SHROOM3: variants seen among roughly 807,000 people sequenced by gnomAD.
SHROOM3 encodes the protein shroom family member 3.
Under a neutral mutation model 138.6 loss-of-function variants are expected in SHROOM3, and 47 were observed. The ratio of observed to expected loss-of-function variants is 0.34; its 90% confidence interval spans 0.27 to 0.43. The LOEUF (loss-of-function observed/expected upper bound fraction) is 0.43. Among genes scored for constraint, SHROOM3 ranks in the 20% least tolerant of loss-of-function variants. SHROOM3 has a pLI of 1.00. For synonymous variants in SHROOM3, 1,062 were observed against 1,063.3 expected (o/e 1.00, Z 0.02); for missense variants, 2,491 against 2,596.5 (o/e 0.96, Z 0.88).
chr4:76,669,674 A>AT (rs2110097303), intron 2 of SHROOM3, among the ~76,000 whole-genome samples: 1 of 152,160 alleles, frequency 6.6e-6, no homozygotes, highest in East Asian at 1.9e-4. Flanking sequence ...TTTGCTTAAA[A>AT]TTTAAAAAAA....
At chr4:76,723,892 T>C (rs1052305034) in intron 3 of SHROOM3, among the ~76,000 whole-genome samples, 1 of 152,256 alleles carries the variant, frequency 6.6e-6, no homozygotes, top group African/African-American at 2.4e-5. Flanking sequence ...TGACTTTGTT[T>C]AATAGTTTTT....
At chr4:76,620,023 A>G (rs1424901960) in intron 2 of SHROOM3, among the ~76,000 whole-genome samples, 4 of 144,284 alleles carry the variant, frequency 2.8e-5, no homozygotes, top group Non-Finnish European at 6.0e-5. Flanking sequence ...GTGAGCCAAG[A>G]TGATGCCACA....
At chr4:76,705,819 G>A (rs1720032119) in intron 2 of SHROOM3, among the ~76,000 whole-genome samples, 1 of 152,156 alleles carries the variant, frequency 6.6e-6, no homozygotes, top group Non-Finnish European at 1.5e-5. Flanking sequence ...TGTCTTGTTA[G>A]TTTTGCCAAC....
At chr4:76,568,663 T>C (rs1733776784) in intron 2 of SHROOM3, among the ~76,000 whole-genome samples, 1 of 152,184 alleles carries the variant, frequency 6.6e-6, no homozygotes, top group African/African-American at 2.4e-5. Flanking sequence ...GAGCCTGGCT[T>C]CAGGGGTGCT....
intron 4 of SHROOM3, among the ~76,000 whole-genome samples, chr4:76,733,620 C>T (rs1264824177): frequency 6.6e-6 from 1 of 152,146 alleles, no homozygotes; most frequent in Non-Finnish European, 1.5e-5. Context: ...TTGGCAGCGG[C>T]AGGTGGAGAG....
At chr4:76,527,092 G>C (rs73826223) in intron 1 of SHROOM3, among the ~76,000 whole-genome samples, 6,382 of 152,068 alleles carry the variant, frequency 0.042, 476 homozygotes, top group African/African-American at 0.14. Context: ...TCCTTCTCCT[G>C]TCTGAAGGAA....
intron 10 of SHROOM3, among the ~76,000 whole-genome samples, chr4:76,774,685 T>C (rs546942507): frequency 6.6e-6 from 1 of 151,054 alleles, no homozygotes; most frequent in African/African-American, 2.4e-5. Flanking sequence ...CTCATTCAAA[T>C]TCAGTCCCTC....
intron 3 of SHROOM3, among the ~76,000 whole-genome samples, chr4:76,724,034 A>C (rs1318522503): frequency 6.6e-6 from 1 of 152,178 alleles, no homozygotes; most frequent in Admixed American, 6.5e-5. Context: ...TACTGAACTT[A>C]CTGTAGATTT....
chr4:76,489,646 A>T (rs1051539862), intron 1 of SHROOM3, among the ~76,000 whole-genome samples: 3 of 152,156 alleles, frequency 2.0e-5, no homozygotes, highest in Non-Finnish European at 4.4e-5. Flanking sequence ...GGTTTTCCTG[A>T]TGACAAAATG....
At chr4:76,627,353 C>T (rs981649245) in intron 2 of SHROOM3, among the ~76,000 whole-genome samples, 1 of 152,148 alleles carries the variant, frequency 6.6e-6, no homozygotes, top group African/African-American at 2.4e-5. Flanking sequence ...GAATAACATA[C>T]AACCCAACAG....
chr4:76,608,545 CATA>C, intron 2 of SHROOM3, among the ~76,000 whole-genome samples: 1 of 64,200 alleles, frequency 1.6e-5, no homozygotes, highest in Admixed American at 1.6e-4. Flanking sequence ...CATAGCATAG[CATA>C]GCATAGCATA....
At position 76,660,871 on chromosome 4, in the gene SHROOM3, T is replaced by C. The variant is rs544578614; in HGVS notation, c.324-49285T>C. ...AGGCTGAAGTGCAGGAGCACAATCATAGCTCACTGCAGCCCTGAACTGGTC... is the reference window on the plus strand; with the variant it reads ...AGGCTGAAGTGCAGGAGCACAATCACAGCTCACTGCAGCCCTGAACTGGTC... On this transcript the variant is annotated intron_variant, in intron 2 of 10. Coordinates refer to ENST00000296043, the MANE Select transcript of SHROOM3 (RefSeq NM_020859.4). Among the ~76,000 whole-genome samples the C allele has an allele frequency of 1.1e-4, 16 of 152,216 alleles. 1 individual carries two copies. The highest frequency in any genetic ancestry group is 3.6e-4 in the African/African-American group (15 of 41,544).
At chr4:76,757,064 T>C in intron 8 of SHROOM3, 127 bp downstream of exon 8, 1 of 1,470,608 alleles carries the variant, frequency 6.8e-7, no homozygotes, top group Non-Finnish European at 9.3e-7. Flanking sequence ...GAGTGACATT[T>C]TATCTCAGTC....
chr4:76,517,343 T>G (rs1208246845), intron 1 of SHROOM3, among the ~76,000 whole-genome samples: 1 of 152,086 alleles, frequency 6.6e-6, no homozygotes, highest in African/African-American at 2.4e-5. Context: ...ATACAGTGTC[T>G]AAAAAAGGCT....
At chr4:76,757,797 T>C (rs1210259355) in intron 8 of SHROOM3, among the ~76,000 whole-genome samples, 2 of 152,232 alleles carry the variant, frequency 1.3e-5, no homozygotes, top group Non-Finnish European at 2.9e-5. Flanking sequence ...CATGTTTTAT[T>C]TCCTTAAAAG....
chr4:76,588,475 C>T (rs974406865), intron 2 of SHROOM3, among the ~76,000 whole-genome samples: 1 of 152,130 alleles, frequency 6.6e-6, no homozygotes, highest in African/African-American at 2.4e-5. Flanking sequence ...CACAAGAAAG[C>T]CACGCAGCCT....
intron 2 of SHROOM3, among the ~76,000 whole-genome samples, chr4:76,647,128 G>T (rs1018617791): frequency 1.3e-5 from 2 of 152,164 alleles, no homozygotes; most frequent in African/African-American, 4.8e-5. Context: ...GGAACTAGAG[G>T]TTCTTAACGT....
intron 1 of SHROOM3, among the ~76,000 whole-genome samples, chr4:76,539,882 C>T (rs1435434969): frequency 6.6e-6 from 1 of 152,166 alleles, no homozygotes; most frequent in Non-Finnish European, 1.5e-5. Flanking sequence ...GAGTTTCGCT[C>T]TTTCACCCAG....
chr4:76,633,697 A>G (rs1735409391), intron 2 of SHROOM3, among the ~76,000 whole-genome samples: 3 of 150,910 alleles, frequency 2.0e-5, no homozygotes, highest in Admixed American at 2.0e-4. Flanking sequence ...ATTCTGCAAC[A>G]CACCTTGTAC....
Sources: allele counts gnomAD v4.1 joint callset (sites outside exome capture counted in the v4.1 genomes callset), GRCh38; gene constraint gnomAD v4.1.1; transcripts MANE v1.5; gene names NCBI Gene and HGNC (gene_info 2026-07-23, HGNC 2026-07-21).